Variants in DIS3L2 observed in about 807,000 individuals in gnomAD.
The protein encoded by DIS3L2 is DIS3 like 3'-5' exoribonuclease 2.
In DIS3L2, 34 loss-of-function variants were observed where a neutral mutation model predicts 97.5. The ratio of observed to expected loss-of-function variants is 0.35; its 90% CI spans 0.27 to 0.46. The LOEUF is 0.46. DIS3L2 is among the 20% of genes least tolerant of loss of function. The pLI is 1.00. For missense variants in DIS3L2, 1,038 were observed against 1,146.0 expected (o/e 0.91, Z 1.36); for synonymous variants, 435 against 445.2 (o/e 0.98, Z 0.29).
intron 5 of DIS3L2, among the ~76,000 whole-genome samples, chr2:232,072,421 G>A (rs554207174): frequency 6.6e-6 from 1 of 152,120 alleles, no homozygotes; most frequent in Non-Finnish European, 1.5e-5. Context: ...ATGGCAGTGC[G>A]TTCCTAGTGT....
intron 20 of DIS3L2, chr2:232,336,177 C>T: frequency 6.5e-7 from 1 of 1,532,834 alleles, no homozygotes; most frequent in Non-Finnish European, 8.8e-7. Context: ...TATGAGTTTA[C>T]ACCCAAGAAA....
rs980126076 is a variant in DIS3L2, at chr2:232,181,886, A to G, written c.1124+18254A>G. ...AGGTTGGTCTCGAGCGCCTGACCTC[A>G]GGTGATCTGCCCACCTCAGCCTCCC... On this transcript the variant is annotated intron_variant, in intron 9 of 20. Transcript: ENST00000325385. Among the ~76,000 whole-genome samples the G allele has an allele frequency of 5.3e-5, 8 of 152,192 alleles. No individual in the cohort carries two copies. The South Asian group carries it at 1.7e-3, about 32-fold the overall frequency.
chr2:232,233,694 C>T (rs1284779317), intron 10 of DIS3L2, among the ~76,000 whole-genome samples: 1 of 152,208 alleles, frequency 6.6e-6, no homozygotes, highest in Non-Finnish European at 1.5e-5. Flanking sequence ...TAAGGGAAGG[C>T]CCCACCTATA....
chr2:231,987,416 A>G (rs896472459), intron 1 of DIS3L2, among the ~76,000 whole-genome samples: 5 of 152,244 alleles, frequency 3.3e-5, no homozygotes, highest in Non-Finnish European at 5.9e-5. Flanking sequence ...CATCTGGGTT[A>G]ATGAAGCGTG....
Position 232,329,824 on chromosome 2 carries a change from A to AGT in DIS3L2, c.1752_1753dup (p.Phe585CysfsTer61). 1 of 525,108 alleles carries AGT rather than the reference A, an allele frequency of 1.9e-6. No homozygotes were observed. The highest frequency in any genetic ancestry group is 1.7e-5 in the South Asian group (1 of 57,522). 32.5% of individuals were successfully genotyped at this position (525,108 alleles called of 1,614,324 possible). A position where few individuals can be genotyped will look rare whatever the true frequency, so the allele number is the denominator to read the frequency against. Reference sequence around the variant, plus strand: ...CCCACCCTCTGCAGGCTCGTGGAGGAGTTCATGCTCTTGGCCAACATGGCA... The same window carrying AGT: ...CCCACCCTCTGCAGGCTCGTGGAGGAGTGTTCATGCTCTTGGCCAACATGGCA... On this transcript the variant is annotated frameshift_variant, in exon 15 of 21. Coordinates refer to ENST00000325385, the MANE Select transcript of DIS3L2 (RefSeq NM_152383.5). LOFTEE classifies it high-confidence loss of function.
intron 10 of DIS3L2, among the ~76,000 whole-genome samples, chr2:232,211,528 G>T (rs1211461857): frequency 6.6e-6 from 1 of 152,208 alleles, no homozygotes; most frequent in Non-Finnish European, 1.5e-5. Context: ...TGGCTTCTGG[G>T]TGACTGCTTT....
At chr2:232,160,462 CT>C (rs910548617) in intron 8 of DIS3L2, among the ~76,000 whole-genome samples, 30 of 152,096 alleles carry the variant, frequency 2.0e-4, no homozygotes, top group African/African-American at 6.8e-4. Context: ...CCTTTTAATG[CT>C]TGTGGGATGT....
intron 14 of DIS3L2, among the ~76,000 whole-genome samples, chr2:232,320,632 C>T (rs1056461838): frequency 2.6e-5 from 4 of 152,342 alleles, no homozygotes; most frequent in African/African-American, 9.6e-5. Context: ...TTGCAGGAGC[C>T]ATAACTGCCA....
chr2:232,269,079 T>C lies in DIS3L2; in HGVS notation c.1659+5639T>C, dbSNP rs79645959. On this transcript the variant is annotated intron_variant, in intron 13 of 20. Transcript: ENST00000325385. The surrounding 1 kb of genome is among the most constrained non-coding windows in gnomAD (Gnocchi z 4.5). ...TCAGCAGCTCTTCACAGTCAGGTCT[T>C]CATCCCACCCAAGCCCACTTGCAGA... Among the ~76,000 whole-genome samples, 431 of 152,336 alleles carry C rather than the reference T, an allele frequency of 2.8e-3. 1 individual carries two copies. Among genetic ancestry groups the C allele is most frequent in the Non-Finnish European group, 4.7e-3 (319 of 68,030 alleles).
At position 232,281,061 on chromosome 2, in the gene DIS3L2, G is replaced by A. The variant is rs550303303; in HGVS notation, c.1659+17621G>A. Among the ~76,000 whole-genome samples, 1 of 152,312 alleles carries A rather than the reference G, an allele frequency of 6.6e-6. No individual in the cohort carries two copies. Among genetic ancestry groups the A allele is most frequent in the South Asian group, 2.1e-4 (1 of 4,824 alleles). On this transcript the variant is annotated intron_variant, in intron 13 of 20. Transcript: ENST00000325385. The surrounding 1 kb of genome is among the most constrained non-coding windows in gnomAD (Gnocchi z 4.1). ...AGTGGTGGTGGGAAATGTTGGGGAT[G>A]TAACCAGGGCTGATCTGGAGGAACT...
At chr2:232,109,142 C>T (rs1273675813) in intron 6 of DIS3L2, among the ~76,000 whole-genome samples, 2 of 152,160 alleles carry the variant, frequency 1.3e-5, no homozygotes, top group Non-Finnish European at 2.9e-5. Context: ...CATCACCCTA[C>T]CCAACTTTAA....
At chr2:232,005,191 T>TTTTTA (rs1553600475) in intron 1 of DIS3L2, among the ~76,000 whole-genome samples, 1 of 143,650 alleles carries the variant, frequency 7.0e-6, no homozygotes, top group African/African-American at 2.7e-5. Context: ...TTTTTTTTTT[T>TTTTTA]ATTTCACTAG....
intron 12 of DIS3L2, among the ~76,000 whole-genome samples, chr2:232,251,461 G>T (rs1381973861): frequency 6.6e-6 from 1 of 152,174 alleles, no homozygotes; most frequent in Non-Finnish European, 1.5e-5. Flanking sequence ...CAAAAAATTA[G>T]AAGACTAGTC....
chr2:232,213,455 G>T (rs1362407304), intron 10 of DIS3L2, among the ~76,000 whole-genome samples: 2 of 152,108 alleles, frequency 1.3e-5, no homozygotes, highest in Admixed American at 1.3e-4. Context: ...CACTTCTACA[G>T]TTGGCCTTTG....
intron 9 of DIS3L2, among the ~76,000 whole-genome samples, chr2:232,192,502 TTAGAGCCTGTCTTCTTTAAGC>T (rs1239749180): frequency 6.6e-6 from 1 of 152,186 alleles, no homozygotes; most frequent in East Asian, 1.9e-4. Context: ...AAAATAGAAG[TTAGAGCCTGTCTTCTTTAAGC>T]TCCTACTGGC....
intron 13 of DIS3L2, among the ~76,000 whole-genome samples, chr2:232,267,593 G>C (rs1425308966): frequency 6.6e-6 from 1 of 152,170 alleles, no homozygotes; most frequent in African/African-American, 2.4e-5. Flanking sequence ...CAGGGGCCCA[G>C]ACTTTTTTAT....
At chr2:232,312,110 T>C (rs1244284440) in intron 14 of DIS3L2, among the ~76,000 whole-genome samples, 3 of 152,242 alleles carry the variant, frequency 2.0e-5, no homozygotes, top group African/African-American at 7.2e-5. Flanking sequence ...TGCTTATACA[T>C]GTTGCAAATA....
At chr2:232,083,071 C>CCG (rs900587499) in intron 5 of DIS3L2, among the ~76,000 whole-genome samples, 2 of 150,966 alleles carry the variant, frequency 1.3e-5, no homozygotes, top group African/African-American at 4.9e-5. Flanking sequence ...AAGACCCACC[C>CCG]CCCCATGATT....
At chr2:232,059,751 G>T in intron 5 of DIS3L2, among the ~76,000 whole-genome samples, 1 of 152,100 alleles carries the variant, frequency 6.6e-6, no homozygotes. Flanking sequence ...TTTTGTTCCT[G>T]AGCTAATTTA....
Sources: gnomAD v4.1 joint callset for allele counts (sites outside exome capture counted in the v4.1 genomes callset) on GRCh38, gnomAD v4.1.1 for gene constraint, Gnocchi (gnomAD v3.1) non-coding constraint, MANE v1.5 for transcripts, NCBI Gene and HGNC (gene_info 2026-07-23, HGNC 2026-07-21) for gene names.